Variants in WAC observed in about 807,000 individuals in gnomAD.
WAC encodes WW domain-containing adapter protein with coiled-coil.
A neutral mutation model predicts 79.6 loss-of-function variants in WAC; 11 were observed. The ratio of observed to expected loss-of-function variants is 0.14; its 90% CI spans 0.09 to 0.23. The LOEUF (loss-of-function observed/expected upper bound fraction) is 0.23. WAC is among the 10% of genes least tolerant of loss of function. The probability of loss-of-function intolerance (pLI) is 1.00; values close to 1 mark genes in which losing one functional copy is unlikely to be tolerated. For synonymous variants in WAC, 304 were observed against 276.9 expected, an observed-to-expected ratio of 1.10 and a Z score of -0.97; for missense variants, 728 against 773.5, an observed-to-expected ratio of 0.94 and a Z score of 0.70.
At chr10:28,549,982 G>A (rs1837568815) in intron 3 of WAC, among the ~76,000 whole-genome samples, 1 of 152,060 alleles carries the variant, frequency 6.6e-6, no homozygotes. Flanking sequence ...GGCCAAACAT[G>A]GTTGAAACCC....
intron 3 of WAC, among the ~76,000 whole-genome samples, chr10:28,555,304 C>CT (rs1837921785): frequency 6.6e-6 from 1 of 152,150 alleles, no homozygotes; most frequent in African/African-American, 2.4e-5. Context: ...CCTTATATCT[C>CT]TGAGTTATGC....
chr10:28,575,582 A>G (rs779141910), intron 3 of WAC, among the ~76,000 whole-genome samples: 16 of 152,218 alleles, frequency 1.1e-4, no homozygotes, highest in Non-Finnish European at 1.6e-4. Context: ...CCCAATGGCT[A>G]ATGCCATTGT....
intron 12 of WAC, 60 bp from the exon 13 acceptor site, chr10:28,617,597 G>A: frequency 7.0e-7 from 1 of 1,422,360 alleles, no homozygotes; most frequent in South Asian, 1.5e-5. Flanking sequence ...GAAATTTAAT[G>A]TTTTATTTTG....
intron 3 of WAC, among the ~76,000 whole-genome samples, chr10:28,542,496 C>T (rs1403898132): frequency 1.3e-5 from 2 of 152,168 alleles, no homozygotes; most frequent in Non-Finnish European, 2.9e-5. Flanking sequence ...CTTAGTTTTA[C>T]ACGTATAAAA....
At chr10:28,579,165 G>A (rs915625301) in intron 3 of WAC, among the ~76,000 whole-genome samples, 58 of 151,358 alleles carry the variant, frequency 3.8e-4, no homozygotes, top group Non-Finnish European at 7.4e-4. Flanking sequence ...GTATTTCTTG[G>A]GTAGATGAAT....
chr10:28,557,185 G>A (rs1399223105), intron 3 of WAC, among the ~76,000 whole-genome samples: 1 of 151,840 alleles, frequency 6.6e-6, no homozygotes, highest in East Asian at 1.9e-4. Context: ...TCCTGACTCA[G>A]GTTCCTGTGC....
At chr10:28,618,119 C>T in intron 13 of WAC, 1 of 178,676 alleles carries the variant, frequency 5.6e-6, no homozygotes, top group Non-Finnish European at 1.2e-5. Context: ...GATTATTTGT[C>T]CTTGCATCAT....
At chr10:28,564,776 G>C (rs574290697) in intron 3 of WAC, among the ~76,000 whole-genome samples, 1 of 152,210 alleles carries the variant, frequency 6.6e-6, no homozygotes, top group African/African-American at 2.4e-5. Context: ...TTGCGTAGCT[G>C]TAGTATATTA....
chr10:28,587,278 T>C (rs1312269403), intron 4 of WAC, among the ~76,000 whole-genome samples: 1 of 152,274 alleles, frequency 6.6e-6, no homozygotes, highest in Non-Finnish European at 1.5e-5. Context: ...ATCTTAGTAA[T>C]GTTTGACTTA....
At chr10:28,582,234 A>G (rs1173858501) in intron 3 of WAC, among the ~76,000 whole-genome samples, 1 of 152,208 alleles carries the variant, frequency 6.6e-6, no homozygotes, top group African/African-American at 2.4e-5. Context: ...CTTACATGCA[A>G]AGCAGTTAGT....
intron 13 of WAC, 50 bp from the exon 14 acceptor site, chr10:28,619,487 G>A: frequency 1.5e-6 from 2 of 1,355,890 alleles, no homozygotes; most frequent in South Asian, 1.5e-5. Flanking sequence ...CGGGTTTTCT[G>A]TAATATTTGT....
At chr10:28,598,677 G>A (rs1840494817) in intron 7 of WAC, among the ~76,000 whole-genome samples, 1 of 152,188 alleles carries the variant, frequency 6.6e-6, no homozygotes, top group African/African-American at 2.4e-5. Context: ...TGGTGTTAGA[G>A]GCAGCTTCTC....
intron 7 of WAC, among the ~76,000 whole-genome samples, chr10:28,607,277 A>G (rs540841432): frequency 1.2e-4 from 19 of 152,236 alleles, no homozygotes; most frequent in Non-Finnish European, 2.2e-4. Flanking sequence ...AGTTCAGTCT[A>G]CCTTTAACTG....
At chr10:28,586,129 A>T (rs1839811154) in intron 4 of WAC, among the ~76,000 whole-genome samples, 2 of 152,216 alleles carry the variant, frequency 1.3e-5, no homozygotes, top group African/African-American at 2.4e-5. Context: ...CTGTAAATTT[A>T]ATCTTACCTG....
At chr10:28,561,020 T>C (rs1236085665) in intron 3 of WAC, among the ~76,000 whole-genome samples, 2 of 152,146 alleles carry the variant, frequency 1.3e-5, no homozygotes, top group African/African-American at 4.8e-5. Flanking sequence ...GAAGAGAATG[T>C]CTACTGAATG....
At chr10:28,538,052 AAAT>A (rs1836776775) in intron 3 of WAC, among the ~76,000 whole-genome samples, 2 of 152,172 alleles carry the variant, frequency 1.3e-5, no homozygotes, top group East Asian at 1.9e-4. Flanking sequence ...TATTATATGG[AAAT>A]AATAATATGA....
intron 3 of WAC, among the ~76,000 whole-genome samples, chr10:28,557,345 G>C (rs558875283): frequency 1.1e-4 from 16 of 152,138 alleles, no homozygotes; most frequent in Non-Finnish European, 2.4e-4. Context: ...AGTGTCATTA[G>C]CTATATAAAG....
At chr10:28,577,449 A>AT (rs1839302556) in intron 3 of WAC, among the ~76,000 whole-genome samples, 1 of 152,046 alleles carries the variant, frequency 6.6e-6, no homozygotes, top group Non-Finnish European at 1.5e-5. Context: ...GCTTTGTTCT[A>AT]TTTTTCCCAT....
chr10:28,612,821 A>G (rs1196160350), intron 10 of WAC, among the ~76,000 whole-genome samples: 2 of 152,192 alleles, frequency 1.3e-5, no homozygotes, highest in African/African-American at 4.8e-5. Flanking sequence ...ATTTGCCAGT[A>G]TTTTAAGGAG....
Sources: allele counts gnomAD v4.1 joint callset (sites outside exome capture counted in the v4.1 genomes callset), GRCh38; gene constraint gnomAD v4.1.1; transcripts MANE v1.5; gene names NCBI Gene and HGNC (gene_info 2026-07-23, HGNC 2026-07-21).